Variants in KCNMB4 observed in about 807,000 individuals in gnomAD.
The protein encoded by KCNMB4 is calcium-activated potassium channel subunit beta-4.
KCNMB4 carries 3 observed loss-of-function variants against 20.7 expected under a neutral mutation model. The ratio of observed to expected loss-of-function variants is 0.14; its 90% CI spans 0.07 to 0.37. KCNMB4 has a LOEUF of 0.37. Among genes scored for constraint, KCNMB4 ranks in the 10% least tolerant of loss-of-function variants. KCNMB4 has a pLI of 1.00. For synonymous variants in KCNMB4, 110 were observed against 113.4 expected (o/e 0.97, Z 0.19); for missense variants, 168 against 265.9 (o/e 0.63, Z 2.56).
At chr12:70,427,757 G>A (rs542821995) in intron 2 of KCNMB4, among the ~76,000 whole-genome samples, 2 of 152,114 alleles carry the variant, frequency 1.3e-5, no homozygotes, top group African/African-American at 4.8e-5. Context: ...TTCAAACTGT[G>A]TTTCAGAAAA....
chr12:70,422,168 A>G (rs1053121632), intron 2 of KCNMB4, among the ~76,000 whole-genome samples: 2 of 152,228 alleles, frequency 1.3e-5, no homozygotes, highest in Non-Finnish European at 2.9e-5. Context: ...TCTCAAATGA[A>G]GAATGTAAAT....
intron 2 of KCNMB4, among the ~76,000 whole-genome samples, chr12:70,407,457 A>ATTAT (rs1868636163): frequency 1.1e-5 from 1 of 93,532 alleles, no homozygotes; most frequent in Non-Finnish European, 2.0e-5. Context: ...GTGGTGCTGA[A>ATTAT]TTCTTTTTTT....
At chr12:70,424,956 A>G (rs946817756) in intron 2 of KCNMB4, among the ~76,000 whole-genome samples, 1 of 152,226 alleles carries the variant, frequency 6.6e-6, no homozygotes, top group Non-Finnish European at 1.5e-5. Flanking sequence ...CAGTAAGATC[A>G]GCTCAGTTAT....
chr12:70,413,991 T>A (rs1255495347), intron 2 of KCNMB4, among the ~76,000 whole-genome samples: 1 of 152,140 alleles, frequency 6.6e-6, no homozygotes, highest in East Asian at 1.9e-4. Context: ...CCCAGCACTT[T>A]GGGAGGCTGA....
chr12:70,389,904 TG>T (rs1253885964), intron 1 of KCNMB4, among the ~76,000 whole-genome samples: 1 of 152,180 alleles, frequency 6.6e-6, no homozygotes, highest in Non-Finnish European at 1.5e-5. Context: ...AATGGGTGAA[TG>T]GGAAATAGAA....
chr12:70,387,399 T>A (rs1019378963), intron 1 of KCNMB4, among the ~76,000 whole-genome samples: 48 of 29,046 alleles, frequency 1.7e-3, no homozygotes, highest in East Asian at 6.2e-3. Flanking sequence ...AATTTTTTAA[T>A]TTTTTTTTTT....
chr12:70,401,113 C>A (rs1868437459), intron 2 of KCNMB4, among the ~76,000 whole-genome samples: 1 of 152,174 alleles, frequency 6.6e-6, no homozygotes, highest in African/African-American at 2.4e-5. Flanking sequence ...GCAGCCTGCA[C>A]CTCCCAGGTC....
chr12:70,428,643 C>A (rs1364359070), intron 2 of KCNMB4, among the ~76,000 whole-genome samples: 1 of 152,158 alleles, frequency 6.6e-6, no homozygotes. Context: ...TTTAGACAAG[C>A]ATGAAGTTTC....
At chr12:70,377,498 C>A (rs533031686) in intron 1 of KCNMB4, among the ~76,000 whole-genome samples, 2 of 152,062 alleles carry the variant, frequency 1.3e-5, no homozygotes, top group Non-Finnish European at 2.9e-5. Context: ...AATCATTTTG[C>A]GGGTGGAGGA....
At chr12:70,424,473 G>T (rs1869155996) in intron 2 of KCNMB4, among the ~76,000 whole-genome samples, 1 of 150,712 alleles carries the variant, frequency 6.6e-6, no homozygotes, top group South Asian at 2.1e-4. Context: ...GCAAAGGCTG[G>T]GTGCGGCAGG....
At chr12:70,402,775 C>T (rs983088343) in intron 2 of KCNMB4, among the ~76,000 whole-genome samples, 1 of 152,076 alleles carries the variant, frequency 6.6e-6, no homozygotes, top group Non-Finnish European at 1.5e-5. Flanking sequence ...AAACCCAGCT[C>T]CTTTTCAAAT....
chr12:70,405,742 C>A (rs1386874609), intron 2 of KCNMB4, among the ~76,000 whole-genome samples: 1 of 152,102 alleles, frequency 6.6e-6, no homozygotes, highest in African/African-American at 2.4e-5. Context: ...GTGGAAACAA[C>A]CTAAATGTCC....
chr12:70,410,870 CCTAATTT>C (rs1301507880), intron 2 of KCNMB4, among the ~76,000 whole-genome samples: 1 of 152,126 alleles, frequency 6.6e-6, no homozygotes, highest in Admixed American at 6.5e-5. Context: ...ACAGATATAT[CCTAATTT>C]CTAAGTTCAC....
At position 70,430,529 on chromosome 12, in the gene KCNMB4, T is replaced by G; in HGVS notation, c.509T>G (p.Leu170Arg). 6.2e-7 allele frequency: 1 copy of G among 1,613,434 alleles called. No individual in the cohort carries two copies. Among genetic ancestry groups the G allele is most frequent in the Non-Finnish European group, 8.5e-7 (1 of 1,179,778 alleles). Reference sequence around the variant, plus strand: ...CATCGCACTCATGATGAGATTGTCCTCCTGCATTGCTTCCTCTGGCCCCTG... The same window carrying G: ...CATCGCACTCATGATGAGATTGTCCGCCTGCATTGCTTCCTCTGGCCCCTG... The part of the protein sequence containing the change: ...LLHRTHDEIV[L>R]LHCFLWPLVT... Residue 170 changes from leucine (L) to arginine (R), a missense_variant, in exon 3 of 3, where the codon CTC becomes CGC. By Grantham distance (102) the Leu-to-Arg change is moderately radical. Transcript: ENST00000258111.
At chr12:70,406,265 A>G (rs1868600101) in intron 2 of KCNMB4, among the ~76,000 whole-genome samples, 1 of 152,182 alleles carries the variant, frequency 6.6e-6, no homozygotes, top group Non-Finnish European at 1.5e-5. Flanking sequence ...AATGTATTGT[A>G]CACTTAAAAA....
At chr12:70,393,601 T>G (rs944145677) in intron 1 of KCNMB4, among the ~76,000 whole-genome samples, 1 of 152,224 alleles carries the variant, frequency 6.6e-6, no homozygotes, top group Non-Finnish European at 1.5e-5. Flanking sequence ...CTTAGCAGTC[T>G]GCCTGAATGC....
chr12:70,422,417 T>C (rs1869090493), intron 2 of KCNMB4, among the ~76,000 whole-genome samples: 1 of 152,196 alleles, frequency 6.6e-6, no homozygotes, highest in Non-Finnish European at 1.5e-5. Context: ...AGTCCTCCTC[T>C]CTGGTGTGGA....
intron 2 of KCNMB4, among the ~76,000 whole-genome samples, chr12:70,403,215 A>G (rs1325284299): frequency 7.9e-6 from 1 of 126,550 alleles, no homozygotes; most frequent in Non-Finnish European, 1.7e-5. Flanking sequence ...ATTTTATTTT[A>G]TTTTTTCAGG....
intron 2 of KCNMB4, among the ~76,000 whole-genome samples, chr12:70,401,420 A>C (rs1868446748): frequency 6.6e-6 from 1 of 152,162 alleles, no homozygotes; most frequent in Non-Finnish European, 1.5e-5. Context: ...CCATTAACGC[A>C]ATAGTCTTGT....
Sources: allele counts gnomAD v4.1 joint callset (sites outside exome capture counted in the v4.1 genomes callset), GRCh38; gene constraint gnomAD v4.1.1; transcripts MANE v1.5; gene names NCBI Gene and HGNC (gene_info 2026-07-23, HGNC 2026-07-21).